NKAIN3: variants seen among roughly 807,000 people sequenced by gnomAD.
NKAIN3 encodes the protein sodium/potassium transporting ATPase interacting 3.
Under a neutral mutation model 30.2 loss-of-function variants are expected in NKAIN3, and 25 were observed. The ratio of observed to expected loss-of-function variants is 0.83; its 90% confidence interval spans 0.60 to 1.16. The LOEUF (loss-of-function observed/expected upper bound fraction) is 1.16. Ranked by LOEUF, NKAIN3 falls within the 50% of genes most tolerant of loss-of-function variation. The pLI, the probability that NKAIN3 is intolerant of heterozygous loss-of-function variation, is 0.00. For synonymous variants in NKAIN3, 91 were observed against 89.6 expected (o/e 1.02, Z -0.09); for missense variants, 225 against 254.1 (o/e 0.89, Z 0.78).
At chr8:62,883,457 G>GTTGTTGTTGTTTTTTTTTTTT in intron 4 of NKAIN3, among the ~76,000 whole-genome samples, 4 of 70,232 alleles carry the variant, frequency 5.7e-5, no homozygotes, top group South Asian at 6.2e-4. Flanking sequence ...AGTTTTATGG[G>GTTGTTGTTGTTTTTTTTTTTT]TTTTTTTTTT....
intron 1 of NKAIN3, among the ~76,000 whole-genome samples, chr8:62,546,161 A>G (rs945294328): frequency 6.6e-6 from 1 of 152,200 alleles, no homozygotes; most frequent in African/African-American, 2.4e-5. Context: ...GGCTTGTCTT[A>G]TTCTTACCTT....
chr8:62,824,085 T>C (rs1415277062), intron 4 of NKAIN3, among the ~76,000 whole-genome samples: 4 of 152,148 alleles, frequency 2.6e-5, no homozygotes, highest in African/African-American at 9.7e-5. Context: ...CCCTTCAAAA[T>C]TGTTCACTTT....
downstream of NKAIN3, among the ~76,000 whole-genome samples, chr8:62,985,125 C>T (rs901016704): frequency 6.6e-5 from 10 of 152,200 alleles, no homozygotes; most frequent in African/African-American, 1.9e-4. Context: ...AAATGTTCTG[C>T]AAGTGTACCC....
Position 62,454,301 on chromosome 8 carries a change from C to CAAAAAAAAAAAAAAAAA in NKAIN3, c.55-125232_55-125216dup, listed in dbSNP as rs201511724. ...ACCAACACTAACAATAGCTGATGTGCAAAAAAAAAAAAAAAAAAAAAATCT... is the reference window on the plus strand; with the variant it reads ...ACCAACACTAACAATAGCTGATGTGCAAAAAAAAAAAAAAAAAAAAAAAAAAAAAAAAAAAAAAATCT... On this transcript the variant is annotated intron_variant, in intron 1 of 6. Coordinates refer to ENST00000623646, the MANE Select transcript of NKAIN3 (RefSeq NM_001304533.3). Among the ~76,000 whole-genome samples, 74 of 56,158 alleles carry CAAAAAAAAAAAAAAAAA rather than the reference C, an allele frequency of 1.3e-3. 7 individuals are homozygous for CAAAAAAAAAAAAAAAAA. The highest frequency in any genetic ancestry group is 1.7e-3 in the Non-Finnish European group (43 of 25,996). The allele number at this position is 56,158 out of a possible 152,430, so 36.8% of individuals were successfully genotyped here.
chr8:62,622,997 C>T (rs1215123903), intron 3 of NKAIN3, among the ~76,000 whole-genome samples: 2 of 151,440 alleles, frequency 1.3e-5, no homozygotes, highest in Non-Finnish European at 3.0e-5. Context: ...AAGGGAAGAA[C>T]GTTATGTGTG....
At chr8:62,906,584 C>T (rs1054506588) in intron 4 of NKAIN3, among the ~76,000 whole-genome samples, 1 of 152,136 alleles carries the variant, frequency 6.6e-6, no homozygotes, top group Non-Finnish European at 1.5e-5. Flanking sequence ...ATGGGAGGGA[C>T]CTGATGGGAG....
At chr8:62,684,713 C>T (rs1813743702) in intron 3 of NKAIN3, among the ~76,000 whole-genome samples, 1 of 152,172 alleles carries the variant, frequency 6.6e-6, no homozygotes, top group African/African-American at 2.4e-5. Context: ...TATTTAGAGA[C>T]AATATCTTTA....
chr8:62,951,187 G>T (rs766361010), intron 5 of NKAIN3, among the ~76,000 whole-genome samples: 3 of 152,070 alleles, frequency 2.0e-5, no homozygotes, highest in East Asian at 1.9e-4. Flanking sequence ...GAAATCTACA[G>T]CTCCTACCAG....
At chr8:62,326,035 A>C (rs1397150024) in intron 1 of NKAIN3, among the ~76,000 whole-genome samples, 1 of 151,662 alleles carries the variant, frequency 6.6e-6, no homozygotes, top group Non-Finnish European at 1.5e-5. Context: ...CCCATTTATT[A>C]GTTTTATTAA....
At chr8:62,930,134 A>G (rs555464758) in intron 5 of NKAIN3, among the ~76,000 whole-genome samples, 176 of 152,314 alleles carry the variant, frequency 1.2e-3, no homozygotes, top group Non-Finnish European at 2.2e-3. Context: ...GTGTTGTGCG[A>G]CCATCACTAC....
intron 1 of NKAIN3, among the ~76,000 whole-genome samples, chr8:62,401,267 CT>C (rs1273997904): frequency 6.6e-6 from 1 of 151,950 alleles, no homozygotes; most frequent in Admixed American, 6.6e-5. Flanking sequence ...CTCAGAGTTT[CT>C]GTTTGATTCT....
At chr8:62,946,460 G>C (rs188365663) in intron 5 of NKAIN3, among the ~76,000 whole-genome samples, 117 of 152,232 alleles carry the variant, frequency 7.7e-4, no homozygotes, top group African/African-American at 2.6e-3. Flanking sequence ...TCATTCTCTC[G>C]TAACAGCAGC....
intron 3 of NKAIN3, among the ~76,000 whole-genome samples, chr8:62,672,518 A>G (rs1005144576): frequency 2.0e-5 from 3 of 152,222 alleles, no homozygotes; most frequent in African/African-American, 7.2e-5. Context: ...GATGTTTACT[A>G]TACTTGGAAC....
chr8:62,333,928 G>A (rs1815441182), intron 1 of NKAIN3, among the ~76,000 whole-genome samples: 1 of 152,006 alleles, frequency 6.6e-6, no homozygotes, highest in South Asian at 2.1e-4. Context: ...TCAGGTGTAA[G>A]GTCTATAAGC....
chr8:62,485,050 C>T (rs939315779), intron 1 of NKAIN3, among the ~76,000 whole-genome samples: 4 of 152,146 alleles, frequency 2.6e-5, no homozygotes, highest in Non-Finnish European at 4.4e-5. Flanking sequence ...CTGCATAGTC[C>T]CTGACTGTCA....
chr8:62,689,760 A>T (rs1217946339), intron 3 of NKAIN3, among the ~76,000 whole-genome samples: 2 of 152,024 alleles, frequency 1.3e-5, no homozygotes, highest in East Asian at 3.9e-4. Context: ...TTGACCCTGG[A>T]ATTCAATAAA....
intron 4 of NKAIN3, among the ~76,000 whole-genome samples, chr8:62,823,940 TG>T (rs1818937693): frequency 6.6e-6 from 1 of 152,174 alleles, no homozygotes; most frequent in Non-Finnish European, 1.5e-5. Context: ...AGAAATTTAA[TG>T]GCATATGTGC....
chr8:62,913,058 G>A (rs1231425963), intron 4 of NKAIN3, among the ~76,000 whole-genome samples: 1 of 152,104 alleles, frequency 6.6e-6, no homozygotes, highest in Non-Finnish European at 1.5e-5. Flanking sequence ...GGCAATAACA[G>A]GCATGGAGCT....
chr8:62,918,869 G>A (rs745334267), intron 5 of NKAIN3, among the ~76,000 whole-genome samples: 2 of 151,852 alleles, frequency 1.3e-5, no homozygotes, highest in Non-Finnish European at 2.9e-5. Context: ...GCAGAATTTT[G>A]AAGTCTGAGT....
Sources: gnomAD v4.1 joint callset for allele counts (sites outside exome capture counted in the v4.1 genomes callset) on GRCh38, gnomAD v4.1.1 for gene constraint, MANE v1.5 for transcripts, NCBI Gene and HGNC (gene_info 2026-07-23, HGNC 2026-07-21) for gene names.